Variants in C7orf78 observed in about 807,000 individuals in gnomAD.
C7orf78 encodes the protein chromosome 7 open reading frame 78.
chr7:12,484,468 G>A, the C7orf78 span, among the ~76,000 whole-genome samples: 1 of 152,030 alleles, frequency 6.6e-6, no homozygotes, highest in Non-Finnish European at 1.5e-5. Context: ...ACAAATAACA[G>A]AAAATTCAAC....
chr7:12,500,505 A>G, the C7orf78 span, among the ~76,000 whole-genome samples: 1 of 150,292 alleles, frequency 6.7e-6, no homozygotes, highest in Non-Finnish European at 1.5e-5. Context: ...TCCTTGACAC[A>G]TACACTCTCC....
the C7orf78 span, among the ~76,000 whole-genome samples, chr7:12,512,868 C>T: frequency 6.6e-6 from 1 of 152,090 alleles, no homozygotes; most frequent in African/African-American, 2.4e-5. Flanking sequence ...TTAGTCTGTT[C>T]AGGTTTTCTA....
At chr7:12,484,819 T>G in the C7orf78 span, among the ~76,000 whole-genome samples, 1 of 151,308 alleles carries the variant, frequency 6.6e-6, no homozygotes, top group Non-Finnish European at 1.5e-5. Flanking sequence ...GTCTGCTTCT[T>G]TTATGTTACT....
the C7orf78 span, among the ~76,000 whole-genome samples, chr7:12,534,870 C>T: frequency 6.6e-6 from 1 of 151,926 alleles, no homozygotes; most frequent in Admixed American, 6.6e-5. Context: ...GGGAGATTTA[C>T]TTGAGCCCAG....
At chr7:12,508,981 T>C in the C7orf78 span, among the ~76,000 whole-genome samples, 2 of 152,328 alleles carry the variant, frequency 1.3e-5, no homozygotes, top group Admixed American at 1.3e-4. Context: ...CATTATACAT[T>C]GCAATGTAAT....
At chr7:12,534,355 T>C in the C7orf78 span, among the ~76,000 whole-genome samples, 2 of 152,188 alleles carry the variant, frequency 1.3e-5, no homozygotes, top group Non-Finnish European at 2.9e-5. Context: ...AAGAAGTAAA[T>C]TCATGTGGAT....
the C7orf78 span, chr7:12,525,904 G>C: frequency 2.5e-6 from 1 of 396,624 alleles, no homozygotes; most frequent in Non-Finnish European, 4.4e-6. Flanking sequence ...CTTAAGTACA[G>C]GTAAGCTGTT....
chr7:12,486,529 T>G, the C7orf78 span, among the ~76,000 whole-genome samples: 2 of 152,034 alleles, frequency 1.3e-5, no homozygotes, highest in Non-Finnish European at 2.9e-5. Context: ...ATGTATTAAA[T>G]TTATGTTTTT....
chr7:12,509,616 CT>C, the C7orf78 span, among the ~76,000 whole-genome samples: 10 of 152,194 alleles, frequency 6.6e-5, no homozygotes, highest in African/African-American at 2.2e-4. Flanking sequence ...TCATAACCCC[CT>C]CTCACCAACT....
the C7orf78 span, among the ~76,000 whole-genome samples, chr7:12,499,049 C>G: frequency 0.2 from 30,796 of 151,636 alleles, 4,324 homozygotes; most frequent in African/African-American, 0.4. Flanking sequence ...GATTTTGTCA[C>G]CACCAGGCCT....
chr7:12,530,657 G>C, the C7orf78 span, among the ~76,000 whole-genome samples: 1 of 152,140 alleles, frequency 6.6e-6, no homozygotes, highest in Non-Finnish European at 1.5e-5. Flanking sequence ...GGGGGCCTTA[G>C]AATTTTATTT....
the C7orf78 span, among the ~76,000 whole-genome samples, chr7:12,537,410 T>G: frequency 6.6e-6 from 1 of 152,180 alleles, no homozygotes. Flanking sequence ...CCATGGCACA[T>G]GGGAATTGTG....
the C7orf78 span, among the ~76,000 whole-genome samples, chr7:12,508,769 C>T: frequency 1.3e-5 from 2 of 152,186 alleles, no homozygotes; most frequent in Non-Finnish European, 2.9e-5. Context: ...CTGAGCTCTG[C>T]TTCCTGTCAG....
At chr7:12,541,846 C>A in the C7orf78 span, 1 of 152,046 alleles carries the variant, frequency 6.6e-6, no homozygotes, top group East Asian at 1.9e-4. Context: ...CTGAGACACT[C>A]AAGTATATCA....
the C7orf78 span, among the ~76,000 whole-genome samples, chr7:12,516,100 A>C: frequency 2.6e-5 from 4 of 152,338 alleles, no homozygotes; most frequent in East Asian, 3.9e-4. Context: ...TCTTCACAGC[A>C]GACCCTCCCA....
the C7orf78 span, among the ~76,000 whole-genome samples, chr7:12,513,809 G>A: frequency 1.1e-4 from 16 of 152,028 alleles, no homozygotes; most frequent in African/African-American, 3.6e-4. Context: ...GACCATCCTG[G>A]CTTACACGGT....
chr7:12,498,716 T>C, the C7orf78 span, among the ~76,000 whole-genome samples: 1 of 150,720 alleles, frequency 6.6e-6, no homozygotes, highest in South Asian at 2.1e-4. Flanking sequence ...AACGTTCAGA[T>C]TCAGGAAATA....
chr7:12,510,266 C>T, the C7orf78 span, among the ~76,000 whole-genome samples: 2 of 151,874 alleles, frequency 1.3e-5, no homozygotes, highest in Non-Finnish European at 2.9e-5. Context: ...TCACTGCAGC[C>T]CCAAACTCCC....
the C7orf78 span, among the ~76,000 whole-genome samples, chr7:12,539,905 T>A: frequency 6.6e-6 from 1 of 152,226 alleles, no homozygotes; most frequent in Non-Finnish European, 1.5e-5. Context: ...TGTCATGATC[T>A]GGTGAGTTTC....
Sources: allele counts gnomAD v4.1 joint callset (sites outside exome capture counted in the v4.1 genomes callset), GRCh38; gene constraint gnomAD v4.1.1; transcripts MANE v1.5; gene names NCBI Gene and HGNC (gene_info 2026-07-23, HGNC 2026-07-21).